PIEZO1: variants seen among roughly 807,000 people sequenced by gnomAD.
PIEZO1 encodes piezo type mechanosensitive ion channel component 1 (Er blood group).
PIEZO1 carries 296 observed loss-of-function variants against 297.2 expected under a neutral mutation model. The observed-to-expected ratio is 1.00, with a 90% CI of 0.91 to 1.10. PIEZO1 has a LOEUF of 1.10. Among genes scored for constraint, PIEZO1 ranks in the 50% least tolerant of loss-of-function variants. The probability of loss-of-function intolerance (pLI) is 0.00; values close to 1 mark genes in which losing one functional copy is unlikely to be tolerated. For missense variants in PIEZO1, 5,018 were observed against 3,455.5 expected (o/e 1.45, Z -11.34); for synonymous variants, 2,427 against 1,507.5 (o/e 1.61, Z -14.13).
At chr16:88,774,331 C>T (rs935737849) in intron 1 of PIEZO1, among the ~76,000 whole-genome samples, 4 of 152,212 alleles carry the variant, frequency 2.6e-5, no homozygotes, top group Non-Finnish European at 4.4e-5. Flanking sequence ...GCGGAGTTTG[C>T]GATGAGTCGA....
intron 22 of PIEZO1, chr16:88,731,343 G>T (rs1904792122): frequency 3.9e-6 from 1 of 257,582 alleles, no homozygotes; most frequent in South Asian, 5.5e-5. Flanking sequence ...CCTCACCCAG[G>T]AGACGCATGC....
In PIEZO1 at chr16:88,722,553, A is replaced by C. The variant is rs755131308; in HGVS notation, c.4775+30T>G. On this transcript the variant is annotated intron_variant, in intron 35 of 50. Coordinates refer to ENST00000301015, the MANE Select transcript of PIEZO1 (RefSeq NM_001142864.4). ...GCGATGCCCACACACCAGGGGCAGC[A>C]GCTGGGGCTCGGGTCACCCCCGCAC... is the stretch of plus-strand genomic sequence containing the variant. 24 of 1,471,168 alleles carry C rather than the reference A, an allele frequency of 1.6e-5. No individual in the cohort carries two copies. The South Asian group carries it at 2.5e-4, about 15-fold the overall frequency. The allele number at this position is 1,471,168 out of a possible 1,614,324, so 91.1% of individuals were successfully genotyped here. A position where few individuals can be genotyped will look rare whatever the true frequency, so the allele number is the denominator to read the frequency against.
rs983811392 is a variant in PIEZO1, at chr16:88,723,345, G to C, written c.4336-17C>G. The C allele has an allele frequency of 6.5e-7, 1 of 1,536,318 alleles. No homozygotes were observed. The highest frequency in any genetic ancestry group is 1.4e-5 in the African/African-American group (1 of 73,032). ...GTACGCCAGCTGTCGGCCAGCCCCC[G>C]GGTTAGGACCCGGCCTCCCGAGCCA... On this transcript the variant is annotated splice_polypyrimidine_tract_variant and intron_variant, in intron 31 of 50. Coordinates refer to ENST00000301015, the MANE Select transcript of PIEZO1 (RefSeq NM_001142864.4).
chr16:88,755,999 G>A (rs1490101810), intron 1 of PIEZO1, among the ~76,000 whole-genome samples: 1 of 152,248 alleles, frequency 6.6e-6, no homozygotes, highest in Non-Finnish European at 1.5e-5. Context: ...AGCAGAAGAA[G>A]GAAGGACTGG....
intron 50 of PIEZO1, 39 bp from the exon 51 acceptor site, chr16:88,715,893 C>A (rs1332740365): frequency 3.2e-6 from 5 of 1,539,560 alleles, no homozygotes; most frequent in Non-Finnish European, 4.4e-6. Context: ...CCGCCCGGAG[C>A]CCCCCGAGCT....
At chr16:88,732,222 G>C in intron 21 of PIEZO1, 113 bp downstream of exon 21, 3 of 897,702 alleles carry the variant, frequency 3.3e-6, no homozygotes, top group Non-Finnish European at 5.2e-6. Context: ...CCCACCCTCT[G>C]TGGCCCAGGC....
intron 1 of PIEZO1, among the ~76,000 whole-genome samples, chr16:88,782,722 A>G (rs1907989522): frequency 3.3e-5 from 5 of 152,296 alleles, no homozygotes; most frequent in Admixed American, 2.0e-4. Context: ...GGGAGGGGGC[A>G]CTCCAAAGAC....
intron 4 of PIEZO1, 22 bp downstream of exon 4, chr16:88,742,031 G>C (rs1305205619): frequency 1.2e-5 from 19 of 1,535,384 alleles, no homozygotes; most frequent in Admixed American, 1.2e-4. Flanking sequence ...TTGCTGGTTG[G>C]GGGTGGGAGG....
In PIEZO1 at chr16:88,725,430, G is replaced by C; in HGVS notation, c.4148C>G (p.Pro1383Arg). The C allele has an allele frequency of 2.1e-6, 3 of 1,462,592 alleles. No homozygotes were observed. Among genetic ancestry groups the C allele is most frequent in the Non-Finnish European group, 1.8e-6 (2 of 1,106,402 alleles). The allele number at this position is 1,462,592 out of a possible 1,614,324, so 90.6% of individuals were successfully genotyped here. The change falls in exon 29 of 51, where the codon CCC becomes CGC. Residue 1383 changes from proline (P) to arginine (R), a missense_variant. Pro to Arg is a moderately radical substitution (Grantham distance 103). Coordinates refer to ENST00000301015, the MANE Select transcript of PIEZO1 (RefSeq NM_001142864.4). Reference sequence around the variant, plus strand: ...GCTGCACTCACCTGGCTCCAGGCCGGGGTCCTTGGGGCCCAGGGTGTCCTG... The same window carrying C: ...GCTGCACTCACCTGGCTCCAGGCCGCGGTCCTTGGGGCCCAGGGTGTCCTG... The part of the protein sequence containing the change: ...RPQDTLGPKD[P>R]GLEPGPDSPG...
chr16:88,748,550 G>A (rs56305262), intron 2 of PIEZO1, among the ~76,000 whole-genome samples: 54,416 of 149,650 alleles, frequency 0.36, 10,148 homozygotes, highest in South Asian at 0.45. Flanking sequence ...AGCGGGCAGC[G>A]GGAGGGCGGT....
In PIEZO1 at chr16:88,756,805, A is replaced by G. The variant is rs895277454; in HGVS notation, c.65-7326T>C. 3.0e-4 allele frequency among the ~76,000 whole-genome samples: 44 copies of G among 148,758 alleles called. No individual in the cohort carries two copies. In the East Asian group the frequency reaches 3.9e-3, roughly 13 times the overall value. On this transcript the variant is annotated intron_variant, in intron 1 of 50. Transcript: ENST00000301015. ...AAATAAAAACAAACAAGCCAGGTGCAGTGGCTCATGCCTGTAATCCCAGCA... is the reference window on the plus strand; with the variant it reads ...AAATAAAAACAAACAAGCCAGGTGCGGTGGCTCATGCCTGTAATCCCAGCA...
In PIEZO1 at chr16:88,722,830, G is replaced by C. The variant is rs1264763551; in HGVS notation, c.4668+7C>G. On this transcript the variant is annotated splice_region_variant and intron_variant, in intron 34 of 50. Coordinates refer to ENST00000301015, the MANE Select transcript of PIEZO1 (RefSeq NM_001142864.4). ...CAGGGACGAGCGTGGTGCACGGGCAGGCTCACCTGCAGGAGCTCCTGTGTG... is the reference window on the plus strand; with the variant it reads ...CAGGGACGAGCGTGGTGCACGGGCACGCTCACCTGCAGGAGCTCCTGTGTG... The C allele has an allele frequency of 1.9e-6, 3 of 1,543,958 alleles. No individual in the cohort carries two copies. The highest frequency in any genetic ancestry group is 1.4e-5 in the African/African-American group (1 of 73,022).
chr16:88,784,812 G>T (rs1047273390), intron 1 of PIEZO1, 89 bp downstream of exon 1: 9 of 974,146 alleles, frequency 9.2e-6, no homozygotes, highest in Non-Finnish European at 1.1e-5. Flanking sequence ...CGCAGCCCTC[G>T]CCCCGGCCGG....
intron 1 of PIEZO1, among the ~76,000 whole-genome samples, 166 bp downstream of exon 1, chr16:88,784,735 G>A (rs1368200378): frequency 6.6e-6 from 1 of 151,522 alleles, no homozygotes; most frequent in Non-Finnish European, 1.5e-5. Context: ...GCCGCCTGGC[G>A]CGCTCATGCT....
intron 1 of PIEZO1, among the ~76,000 whole-genome samples, chr16:88,767,798 C>G (rs569339856): frequency 6.6e-6 from 1 of 152,292 alleles, no homozygotes; most frequent in East Asian, 1.9e-4. Flanking sequence ...CCTGCCCTGC[C>G]CTACAGCCCC....
rs1322828999 is a variant in PIEZO1, at chr16:88,727,665, G to C, written c.3197-4C>G. The stretch of plus-strand genomic sequence containing the variant: ...CGGCTCCAGCGCCAGGGATAATCTG[G>C]GGGAAGGGGTGTCATGTCAGGAAGG... On this transcript the variant is annotated splice_polypyrimidine_tract_variant and splice_region_variant and intron_variant, in intron 22 of 50. Transcript: ENST00000301015. 9.8e-6 allele frequency: 14 copies of C among 1,426,944 alleles called. No individual in the cohort carries two copies. In the South Asian group the frequency reaches 1.3e-4, roughly 13 times the overall value. The allele number at this position is 1,426,944 out of a possible 1,614,324, so 88.4% of individuals were successfully genotyped here.
chr16:88,784,912 G>T lies in PIEZO1; in HGVS notation c.53C>A (p.Ala18Glu). ...AVLYWLLLPC[A>E]LLAACLLRFS... Reference sequence around the variant, plus strand: ...CGCCCCCCACTCACCAGCCAGCAGCGCGCAGGGCAGCAGCAGCCAGTACAG... The same window carrying T: ...CGCCCCCCACTCACCAGCCAGCAGCTCGCAGGGCAGCAGCAGCCAGTACAG... Residue 18 changes from alanine to glutamate, a missense_variant, in exon 1 of 51, where the codon GCG becomes GAG. Ala to Glu is a moderately radical substitution (Grantham distance 107, BLOSUM62 -1). Transcript: ENST00000301015. 1 of 1,434,338 alleles carries T rather than the reference G, an allele frequency of 7.0e-7. No homozygotes were observed. The highest frequency in any genetic ancestry group is 9.2e-7 in the Non-Finnish European group (1 of 1,091,670). 88.9% of individuals were successfully genotyped at this position (1,434,338 alleles called of 1,614,324 possible).
chr16:88,770,261 C>T (rs1402917921), intron 1 of PIEZO1, among the ~76,000 whole-genome samples: 1 of 152,222 alleles, frequency 6.6e-6, no homozygotes, highest in Non-Finnish European at 1.5e-5. Context: ...GGACGTATCC[C>T]CGAGACCTCT....
intron 27 of PIEZO1, 24 bp from the exon 28 acceptor site, chr16:88,725,708 G>C (rs1243437060): frequency 7.9e-7 from 1 of 1,272,840 alleles, no homozygotes; most frequent in Non-Finnish European, 1.1e-6. Context: ...GGGATGGGGT[G>C]TGAGCACCAG....
Sources: allele counts gnomAD v4.1 joint callset (sites outside exome capture counted in the v4.1 genomes callset), GRCh38; gene constraint gnomAD v4.1.1; transcripts MANE v1.5; gene names NCBI Gene and HGNC (gene_info 2026-07-23, HGNC 2026-07-21).